Variants in IFT74 observed in about 807,000 individuals in gnomAD.
IFT74 encodes intraflagellar transport protein 74 homolog.
Under a neutral mutation model 96.7 loss-of-function variants are expected in IFT74, and 92 were observed. The ratio of observed to expected loss-of-function variants is 0.95; its 90% CI spans 0.80 to 1.13. The LOEUF (loss-of-function observed/expected upper bound fraction) is 1.13. IFT74 is among the 50% of genes most tolerant of loss of function. IFT74 has a pLI of 0.00. For synonymous variants in IFT74, 223 were observed against 213.2 expected (o/e 1.05, Z -0.40); for missense variants, 811 against 698.2 (o/e 1.16, Z -1.82).
In IFT74 at chr9:27,048,274, G is replaced by C. The variant is rs1223505811; in HGVS notation, c.1333G>C (p.Asp445His). 3 of 1,572,524 alleles carry C rather than the reference G, an allele frequency of 1.9e-6. No homozygotes were observed. The highest frequency in any genetic ancestry group is 1.7e-6 in the Non-Finnish European group (2 of 1,163,204). The change falls in exon 16 of 20, where the codon GAC becomes CAC. Residue 445 changes from aspartate (D) to histidine (H), a missense_variant and splice_region_variant. Transcript: ENST00000380062. ...AAGTACAGCTCAGAATTTGACTTCA[G>C]GTGAGAAAACAACCTAGATTTTAAT... ...SQSTAQNLTS[D>H]IQRLQLDLQK... is the part of the protein sequence containing the mutation.
intron 12 of IFT74, among the ~76,000 whole-genome samples, chr9:27,025,708 C>A (rs1002088134): frequency 1.3e-5 from 2 of 152,068 alleles, no homozygotes; most frequent in African/African-American, 4.8e-5. Flanking sequence ...AAATAATTAT[C>A]AGCCAAGAAT....
chr9:26,995,797 A>G (rs1241781391), intron 8 of IFT74: 2 of 1,612,554 alleles, frequency 1.2e-6, no homozygotes, highest in African/African-American at 1.3e-5. Context: ...TCGTCAGTAC[A>G]GTGACAACAA....
chr9:26,980,078 G>C (rs1827304072), intron 3 of IFT74, among the ~76,000 whole-genome samples: 1 of 152,068 alleles, frequency 6.6e-6, no homozygotes, highest in Non-Finnish European at 1.5e-5. Context: ...TGAGACAAAT[G>C]ATAAAAAATC....
intron 8 of IFT74, among the ~76,000 whole-genome samples, chr9:27,003,684 C>T (rs1828625769): frequency 1.3e-5 from 2 of 152,168 alleles, no homozygotes; most frequent in African/African-American, 4.8e-5. Flanking sequence ...TATGCACATT[C>T]CCCTTCTACC....
chr9:26,984,001 C>CT (rs1361649904), intron 4 of IFT74: 8 of 253,462 alleles, frequency 3.2e-5, no homozygotes, highest in Admixed American at 1.7e-4. Context: ...CCAGGCTTGT[C>CT]TTGAGCTCCT....
chr9:27,048,177 T>C lies in IFT74; in HGVS notation c.1236T>C (p.Ser412=). Residue 412 remains serine (S), a synonymous_variant, in exon 16 of 20, where the codon TCT becomes TCC. Transcript: ENST00000380062. The part of the protein sequence containing the change: ...RNINRIEQIS[S]ITNQELKMMQ... ...TAAATCGTATAGAACAGATATCCTC[T>C]ATCACCAATCAAGAGCTAAAGATGA... The C allele has an allele frequency of 6.2e-7, 1 of 1,600,118 alleles. No homozygotes were observed. Among genetic ancestry groups the C allele is most frequent in the Non-Finnish European group, 8.6e-7 (1 of 1,169,430 alleles).
At chr9:27,013,426 G>T (rs138026390) in intron 10 of IFT74, among the ~76,000 whole-genome samples, 13 of 152,278 alleles carry the variant, frequency 8.5e-5, no homozygotes, top group African/African-American at 2.9e-4. Context: ...TCATAAGATT[G>T]AATTCTCACA....
At position 27,060,522 on chromosome 9, in the gene IFT74, T is replaced by C. The variant is rs1040195298; in HGVS notation, c.1624-69T>C. 5 of 1,001,396 alleles carry C rather than the reference T, an allele frequency of 5.0e-6. No individual in the cohort carries two copies. In the South Asian group the frequency reaches 6.7e-5, roughly 13 times the overall value. The allele number at this position is 1,001,396 out of a possible 1,614,324, so 62.0% of individuals were successfully genotyped here. On this transcript the variant is annotated intron_variant, in intron 18 of 19. Transcript: ENST00000380062. ...AGTTGGAGAGATTTTTTTTGTCTTA[T>C]CCTCTTAGAAAGGCATTTAATTGTT...
chr9:26,955,181 C>T (rs939007622), upstream of IFT74, among the ~76,000 whole-genome samples: 6 of 152,148 alleles, frequency 3.9e-5, no homozygotes, highest in Admixed American at 2.6e-4. Context: ...CATTAAGCAG[C>T]TCACAGACTC....
chr9:26,956,289 CAT>C (rs988630606), upstream of IFT74: 9 of 152,252 alleles, frequency 5.9e-5, no homozygotes, highest in Non-Finnish European at 1.2e-4. Flanking sequence ...AAGAAACAAA[CAT>C]ATCCTCAATT....
intron 12 of IFT74, among the ~76,000 whole-genome samples, chr9:27,020,382 A>G (rs1829541521): frequency 6.6e-6 from 1 of 151,808 alleles, no homozygotes; most frequent in Non-Finnish European, 1.5e-5. Flanking sequence ...TTGTAACTGT[A>G]AGCAAATTTC....
In IFT74 at chr9:26,981,566, C is replaced by T. The variant is rs111353543; in HGVS notation, c.305+947C>T. Among the ~76,000 whole-genome samples, 870 of 152,074 alleles carry T rather than the reference C, an allele frequency of 5.7e-3. 10 individuals are homozygous for T. Among genetic ancestry groups the T allele is most frequent in the African/African-American group, 0.02 (816 of 41,468 alleles). On this transcript the variant is annotated intron_variant, in intron 4 of 19. Coordinates refer to ENST00000380062, the MANE Select transcript of IFT74 (RefSeq NM_025103.4). Reference sequence around the variant, plus strand: ...AGTAGCTGGGATTACAGGCGTTTGCCACCACACCCACCTAATTTTGTGTGT... The same window carrying T: ...AGTAGCTGGGATTACAGGCGTTTGCTACCACACCCACCTAATTTTGTGTGT...
intron 2 of IFT74, among the ~76,000 whole-genome samples, chr9:26,963,099 C>G (rs1175655292): frequency 6.6e-6 from 1 of 152,008 alleles, no homozygotes; most frequent in African/African-American, 2.4e-5. Flanking sequence ...CCGATGCTAT[C>G]CCTCCTCTCT....
chr9:26,976,843 G>T (rs895927789), intron 2 of IFT74: 1 of 446,712 alleles, frequency 2.2e-6, no homozygotes, highest in African/African-American at 2.0e-5. Context: ...GTCGTATAGT[G>T]TTATGTTGGA....
intron 1 of IFT74, among the ~76,000 whole-genome samples, chr9:26,950,310 CAAA>C (rs768360968): frequency 8.0e-6 from 1 of 124,426 alleles, no homozygotes. Flanking sequence ...GACTCTGTCT[CAAA>C]AAAAAAAAAA....
intron 13 of IFT74, among the ~76,000 whole-genome samples, chr9:27,042,347 G>T (rs916865664): frequency 6.6e-6 from 1 of 152,062 alleles, no homozygotes; most frequent in Non-Finnish European, 1.5e-5. Flanking sequence ...AGAGAAGACA[G>T]AAAAATAATG....
intron 12 of IFT74, among the ~76,000 whole-genome samples, chr9:27,022,169 A>G (rs1239372806): frequency 1.3e-5 from 2 of 151,982 alleles, no homozygotes; most frequent in Admixed American, 6.6e-5. Context: ...TGGGTTCTCT[A>G]TTCTGTGCCA....
rs551458565 is a variant in IFT74, at chr9:26,960,138, G to A, written c.-19-1811G>A. ...TTTTCATCTTACTTGAATTTCCAAC[G>A]TAAATGGCATGGCTCAGATTCCTGC... On this transcript the variant is annotated intron_variant, in intron 1 of 19. Coordinates refer to ENST00000380062, the MANE Select transcript of IFT74 (RefSeq NM_025103.4). Among the ~76,000 whole-genome samples, 9 of 152,102 alleles carry A rather than the reference G, an allele frequency of 5.9e-5. No individual in the cohort carries two copies. The East Asian group carries it at 1.4e-3, about 23-fold the overall frequency.
intron 8 of IFT74, chr9:26,995,526 T>C: frequency 6.5e-7 from 1 of 1,530,694 alleles, no homozygotes; most frequent in Non-Finnish European, 8.9e-7. Flanking sequence ...AGAAATTAAT[T>C]TTCTTCACAT....
Sources: allele counts gnomAD v4.1 joint callset (sites outside exome capture counted in the v4.1 genomes callset), GRCh38; gene constraint gnomAD v4.1.1; transcripts MANE v1.5; gene names NCBI Gene and HGNC (gene_info 2026-07-23, HGNC 2026-07-21).